KATNIP: variants seen among roughly 807,000 people sequenced by gnomAD.
KATNIP encodes katanin interacting protein.
KATNIP carries 126 observed loss-of-function variants against 174.0 expected under a neutral mutation model. The ratio of observed to expected loss-of-function variants is 0.72; its 90% CI spans 0.63 to 0.84. KATNIP has a LOEUF of 0.84. KATNIP is among the 40% of genes least tolerant of loss of function. KATNIP has a pLI of 0.00. For missense variants in KATNIP, 1,958 were observed against 2,109.7 expected (o/e 0.93, Z 1.41); for synonymous variants, 810 against 835.7 (o/e 0.97, Z 0.53).
At chr16:27,650,591 C>T (rs903743668) in intron 6 of KATNIP, among the ~76,000 whole-genome samples, 1 of 152,142 alleles carries the variant, frequency 6.6e-6, no homozygotes, top group Non-Finnish European at 1.5e-5. Context: ...TTCTACGTAT[C>T]GCTTTTATGA....
rs528094999 is a variant in KATNIP, at chr16:27,566,668, C to T, written c.8-7233C>T. Among the ~76,000 whole-genome samples, 28 of 152,216 alleles carry T rather than the reference C, an allele frequency of 1.8e-4. No individual in the cohort carries two copies. In the South Asian group the frequency reaches 5.0e-3, roughly 27 times the overall value. Reference sequence around the variant, plus strand: ...AGCACGCTGAGCATACTGGGTCAGCCGTTGGACTAATGGGTTGCTAACCCT... The same window carrying T: ...AGCACGCTGAGCATACTGGGTCAGCTGTTGGACTAATGGGTTGCTAACCCT... On this transcript the variant is annotated intron_variant, in intron 1 of 27. Transcript: ENST00000261588.
chr16:27,564,300 T>C (rs534279143), intron 1 of KATNIP, among the ~76,000 whole-genome samples: 1 of 152,266 alleles, frequency 6.6e-6, no homozygotes, highest in South Asian at 2.1e-4. Context: ...TAGACTTAAA[T>C]GGAGTCAGGA....
chr16:27,661,937 T>TATATATATATACACATAC (rs2077498036), intron 6 of KATNIP, among the ~76,000 whole-genome samples: 5 of 63,916 alleles, frequency 7.8e-5, no homozygotes, highest in South Asian at 5.5e-4. Context: ...TATATATATA[T>TATATATATATACACATAC]ATATATATAT....
intron 6 of KATNIP, among the ~76,000 whole-genome samples, chr16:27,667,537 C>T (rs2077727639): frequency 6.6e-6 from 1 of 152,074 alleles, no homozygotes; most frequent in Non-Finnish European, 1.5e-5. Flanking sequence ...TACAAAACTG[C>T]CAACCAAATG....
Position 27,699,616 on chromosome 16 carries a change from G to A in KATNIP, c.1179+17G>A. The A allele has an allele frequency of 6.2e-7, 1 of 1,613,930 alleles. No homozygotes were observed. The highest frequency in any genetic ancestry group is 8.5e-7 in the Non-Finnish European group (1 of 1,179,914). ...ACCCTTGAGGTCAGTGCTAGGCAGA[G>A]ATGAATGACAAAGCCCCACGCATGT... On this transcript the variant is annotated intron_variant, in intron 10 of 27. Coordinates refer to ENST00000261588, the MANE Select transcript of KATNIP (RefSeq NM_015202.5).
At chr16:27,654,466 C>G (rs1299006565) in intron 6 of KATNIP, 3 of 618,396 alleles carry the variant, frequency 4.9e-6, no homozygotes, top group Non-Finnish European at 7.9e-6. Flanking sequence ...GTGATCAGAT[C>G]CACTTTAGGA....
chr16:27,675,952 C>G (rs2078098605), intron 6 of KATNIP, among the ~76,000 whole-genome samples: 1 of 152,154 alleles, frequency 6.6e-6, no homozygotes, highest in African/African-American at 2.4e-5. Flanking sequence ...TTGCATCTTT[C>G]TGAGGTACAA....
intron 19 of KATNIP, 117 bp from the exon 20 acceptor site, chr16:27,766,192 G>A (rs1255821066): frequency 9.4e-7 from 1 of 1,060,772 alleles, no homozygotes; most frequent in Admixed American, 2.2e-5. Flanking sequence ...GCCTGACACA[G>A]CCAGGCTAGT....
Position 27,750,281 on chromosome 16 carries a change from C to G in KATNIP, c.3321C>G (p.Ala1107=), listed in dbSNP as rs1476618618. Residue 1107 remains alanine, a synonymous_variant, in exon 16 of 28, where the codon GCC becomes GCG. Transcript: ENST00000261588. ...DTQCIFEGEI[A]KASGTLAGAP... is the part of the protein sequence containing the mutation. ...AGTGCATCTTTGAAGGAGAAATCGC[C>G]AAGGCCTCTGGAACCCTGGCGGGAG... The G allele has an allele frequency of 5.0e-6, 8 of 1,612,814 alleles. No homozygotes were observed. Among genetic ancestry groups the G allele is most frequent in the Non-Finnish European group, 6.8e-6 (8 of 1,179,164 alleles).
chr16:27,753,170 A>G (rs938945462), intron 17 of KATNIP, among the ~76,000 whole-genome samples: 25 of 151,890 alleles, frequency 1.6e-4, no homozygotes, highest in African/African-American at 6.0e-4. Context: ...AGCGGCCACC[A>G]AGAGGGGCAA....
At chr16:27,721,719 C>G in intron 14 of KATNIP, 24 bp downstream of exon 14, 1 of 1,610,224 alleles carries the variant, frequency 6.2e-7, no homozygotes, top group Non-Finnish European at 8.5e-7. Context: ...GCTGGTTCCC[C>G]ACTGGGCACT....
At chr16:27,646,679 C>T (rs907538379) in intron 5 of KATNIP, among the ~76,000 whole-genome samples, 2 of 152,216 alleles carry the variant, frequency 1.3e-5, no homozygotes, top group African/African-American at 4.8e-5. Context: ...GCTGTGGCCA[C>T]ATGGTAGGGA....
chr16:27,668,979 C>G (rs1282694395), intron 6 of KATNIP, among the ~76,000 whole-genome samples: 2 of 152,044 alleles, frequency 1.3e-5, no homozygotes, highest in African/African-American at 4.8e-5. Flanking sequence ...GCACTGCAGC[C>G]TGGGTGACAG....
At chr16:27,638,835 A>AT (rs35773237) in intron 5 of KATNIP, among the ~76,000 whole-genome samples, 80,838 of 110,682 alleles carry the variant, frequency 0.73, 30,126 homozygotes, top group East Asian at 0.89. Context: ...GTCTTGCTGG[A>AT]TTTTTTTTTT....
At chr16:27,770,210 G>A (rs944094426) in intron 21 of KATNIP, among the ~76,000 whole-genome samples, 192 bp downstream of exon 21, 3 of 152,228 alleles carry the variant, frequency 2.0e-5, no homozygotes, top group Non-Finnish European at 4.4e-5. Flanking sequence ...CTTGTCTGGG[G>A]ACATTTGGGT....
At chr16:27,639,635 C>A (rs141323241) in intron 5 of KATNIP, among the ~76,000 whole-genome samples, 183 of 152,342 alleles carry the variant, frequency 1.2e-3, no homozygotes, top group African/African-American at 4.3e-3. Context: ...TCTCACTCAG[C>A]CACCATATCC....
intron 14 of KATNIP, among the ~76,000 whole-genome samples, chr16:27,725,911 T>C (rs1425756373): frequency 6.6e-6 from 1 of 152,154 alleles, no homozygotes; most frequent in African/African-American, 2.4e-5. Flanking sequence ...CGTTAAATTG[T>C]TTTTGATAAA....
chr16:27,623,504 G>T (rs932480803), intron 3 of KATNIP, among the ~76,000 whole-genome samples: 1 of 151,886 alleles, frequency 6.6e-6, no homozygotes, highest in Non-Finnish European at 1.5e-5. Flanking sequence ...CTGTTGCCTA[G>T]GTTGGAGTGC....
chr16:27,756,101 T>C (rs2081715135), intron 18 of KATNIP, among the ~76,000 whole-genome samples: 1 of 152,060 alleles, frequency 6.6e-6, no homozygotes, highest in Non-Finnish European at 1.5e-5. Context: ...GAGCTCCACA[T>C]CCCCTCCCTT....
Sources: allele counts gnomAD v4.1 joint callset (sites outside exome capture counted in the v4.1 genomes callset), GRCh38; gene constraint gnomAD v4.1.1; transcripts MANE v1.5; gene names NCBI Gene and HGNC (gene_info 2026-07-23, HGNC 2026-07-21).